MROH2B: variants seen among roughly 807,000 people sequenced by gnomAD.
The protein encoded by MROH2B is maestro heat-like repeat-containing protein family member 2B.
A neutral mutation model predicts 208.6 loss-of-function variants in MROH2B; 177 were observed. The observed-to-expected ratio is 0.85, with a 90% CI of 0.75 to 0.96. The LOEUF is 0.96. Ranked by LOEUF, MROH2B falls within the 40% of genes least tolerant of loss-of-function variation. The pLI is 0.00. For missense variants in MROH2B, 2,002 were observed against 1,878.7 expected, an observed-to-expected ratio of 1.07 and a Z score of -1.21; for synonymous variants, 728 against 659.0, an observed-to-expected ratio of 1.10 and a Z score of -1.60.
At chr5:41,004,585 G>A (rs1561273350) in intron 36 of MROH2B, 57 bp from the exon 37 acceptor site, 2 of 1,554,502 alleles carry the variant, frequency 1.3e-6, no homozygotes, top group Non-Finnish European at 1.7e-6. Context: ...ATCTGGAAGA[G>A]GGTAGGAGTC....
intron 29 of MROH2B, among the ~76,000 whole-genome samples, chr5:41,013,397 A>C (rs554493259): frequency 6.6e-6 from 1 of 152,276 alleles, no homozygotes; most frequent in South Asian, 2.1e-4. Flanking sequence ...GTGCGCATTA[A>C]TGAAAAAGGA....
At chr5:41,000,003 G>T in intron 39 of MROH2B, 1 of 697,926 alleles carries the variant, frequency 1.4e-6, no homozygotes, top group Non-Finnish European at 2.4e-6. Context: ...AGGAACCAAG[G>T]AGAATATATC....
chr5:41,060,013 A>G (rs1482081528), intron 6 of MROH2B, among the ~76,000 whole-genome samples: 1 of 152,208 alleles, frequency 6.6e-6, no homozygotes. Flanking sequence ...AAATGTCTAC[A>G]TCAAACCCAT....
At chr5:41,036,105 T>A (rs922878964) in intron 21 of MROH2B, among the ~76,000 whole-genome samples, 1 of 149,638 alleles carries the variant, frequency 6.7e-6, no homozygotes, top group African/African-American at 2.5e-5. Flanking sequence ...GGATAAACAA[T>A]GTGGGAGATA....
intron 2 of MROH2B, among the ~76,000 whole-genome samples, chr5:41,068,101 C>T (rs1318289883): frequency 6.6e-6 from 1 of 152,170 alleles, no homozygotes; most frequent in East Asian, 1.9e-4. Flanking sequence ...TATGTGTCCT[C>T]TGGATGATGA....
At chr5:41,066,795 T>C (rs961220385) in intron 3 of MROH2B, among the ~76,000 whole-genome samples, 1 of 152,090 alleles carries the variant, frequency 6.6e-6, no homozygotes, top group African/African-American at 2.4e-5. Flanking sequence ...GCCAAGAAAA[T>C]TGGTTTCTAG....
At position 41,065,237 on chromosome 5, in the gene MROH2B, G is replaced by A. The variant is rs1318310121; in HGVS notation, c.361+94C>T. 3 of 1,228,050 alleles carry A rather than the reference G, an allele frequency of 2.4e-6. No individual in the cohort carries two copies. In the East Asian group the frequency reaches 7.7e-5, roughly 31 times the overall value. 76.1% of individuals were successfully genotyped at this position (1,228,050 alleles called of 1,614,324 possible). ...ATTTCTTGGTACAGAAGAAGGCAGA[G>A]ATGCTATCTCTTCTACCGTTTGCTC... On this transcript the variant is annotated intron_variant, in intron 4 of 41. Transcript: ENST00000399564.
At chr5:41,034,276 G>C (rs1414884657) in intron 21 of MROH2B, among the ~76,000 whole-genome samples, 4 of 152,106 alleles carry the variant, frequency 2.6e-5, no homozygotes, top group Non-Finnish European at 5.9e-5. Context: ...AGTGAGTTCT[G>C]CTATAACATT....
At chr5:41,008,549 C>T (rs1741666454) in intron 33 of MROH2B, 57 bp downstream of exon 33, 6 of 1,587,760 alleles carry the variant, frequency 3.8e-6, no homozygotes, top group Non-Finnish European at 5.2e-6. Flanking sequence ...TGCAGCACCA[C>T]TCCTGGAGTC....
intron 28 of MROH2B, among the ~76,000 whole-genome samples, chr5:41,015,710 C>T (rs1441878685): frequency 2.6e-5 from 4 of 152,176 alleles, no homozygotes; most frequent in Admixed American, 6.5e-5. Context: ...CTCCTGTTCT[C>T]GTCTTGGTTT....
intron 4 of MROH2B, 116 bp from the exon 5 acceptor site, chr5:41,064,686 T>C: frequency 1.6e-6 from 1 of 641,918 alleles, no homozygotes; most frequent in Non-Finnish European, 2.7e-6. Flanking sequence ...AGATGAGGTG[T>C]AGTAGAAAGA....
chr5:41,068,832 T>A (rs1178087054), intron 2 of MROH2B, among the ~76,000 whole-genome samples: 1 of 152,180 alleles, frequency 6.6e-6, no homozygotes, highest in Non-Finnish European at 1.5e-5. Flanking sequence ...TACCTCCAGG[T>A]GCTTAAAATG....
chr5:41,003,731 C>G (rs1230553183), intron 37 of MROH2B, among the ~76,000 whole-genome samples: 1 of 152,124 alleles, frequency 6.6e-6, no homozygotes, highest in East Asian at 1.9e-4. Flanking sequence ...TTTTCCATCT[C>G]CTCTGACAAT....
At position 41,049,391 on chromosome 5, in the gene MROH2B, T is replaced by C. The variant is rs1743219336; in HGVS notation, c.1390A>G (p.Thr464Ala). The C allele has an allele frequency of 6.2e-7, 1 of 1,613,752 alleles. No homozygotes were observed. Among genetic ancestry groups the C allele is most frequent in the African/African-American group, 1.3e-5 (1 of 75,032 alleles). The change falls in exon 14 of 42, where the codon ACA becomes GCA. Residue 464 changes from threonine (T) to alanine (A), a missense_variant. Transcript: ENST00000399564. ...ILTFVVPAEY[T>A]EALEPLFSII... ...CTAAACAGGGGCTCCAGAGCTTCTGTGTATTCTGCAGGTACCACAAAAGTC... is the reference window on the plus strand; with the variant it reads ...CTAAACAGGGGCTCCAGAGCTTCTGCGTATTCTGCAGGTACCACAAAAGTC...
chr5:41,038,774 T>G lies in MROH2B; in HGVS notation c.2176A>C (p.Ile726Leu), dbSNP rs372870181. The change falls in exon 21 of 42, where the codon ATA (isoleucine) becomes CTA (leucine). Residue 726 changes from isoleucine (I) to leucine (L), a missense_variant. By Grantham distance (5) the Ile-to-Leu change is conservative. Coordinates refer to ENST00000399564, the MANE Select transcript of MROH2B (RefSeq NM_173489.5). ...QLLSRLNQDIISQVLSLHGQC... is the reference protein window; with the variant it reads ...QLLSRLNQDILSQVLSLHGQC... ...CCATGAAGAGACAGGACTTGGGATA[T>G]GATATCTTGATTAAGTCTGGAGAGA... 15 of 1,613,244 alleles carry G rather than the reference T, an allele frequency of 9.3e-6. No homozygotes were observed. The highest frequency in any genetic ancestry group is 1.3e-5 in the Non-Finnish European group (15 of 1,179,568).
chr5:41,004,292 C>G lies in MROH2B; in HGVS notation c.4194+54G>C. 1.9e-6 allele frequency: 3 copies of G among 1,576,500 alleles called. No homozygotes were observed. The South Asian group carries it at 3.5e-5, about 19-fold the overall frequency. On this transcript the variant is annotated intron_variant, in intron 37 of 41. Coordinates refer to ENST00000399564, the MANE Select transcript of MROH2B (RefSeq NM_173489.5). ...TGTCTTCTGTGAGCACTACCTAAAC[C>G]TGTTTCTGTTCACTCACTTCTGGGG...
At chr5:41,054,142 G>A (rs1743371621) in intron 11 of MROH2B, among the ~76,000 whole-genome samples, 1 of 152,038 alleles carries the variant, frequency 6.6e-6, no homozygotes, top group Non-Finnish European at 1.5e-5. Flanking sequence ...AGCACACTTG[G>A]CTAATTTTTG....
Position 41,005,562 on chromosome 5 carries a change from T to C in MROH2B, c.3833A>G (p.Tyr1278Cys), listed in dbSNP as rs1330380660. ...GAAGAAAGCTGCGCCGGTTATCCGG[T>C]AGTTCTCCGAGGAGGAGGTAAGAGA... is the stretch of plus-strand genomic sequence containing the variant. Reference protein sequence around the residue: ...LSSLTSSSENYRITGAAFFSE... With the variant: ...LSSLTSSSENCRITGAAFFSE... Residue 1278 changes from tyrosine (Y) to cysteine (C), a missense_variant, in exon 35 of 42, where the codon TAC becomes TGC. Transcript: ENST00000399564. The C allele has an allele frequency of 1.2e-6, 2 of 1,608,644 alleles. No individual in the cohort carries two copies. Among genetic ancestry groups the C allele is most frequent in the Admixed American group, 1.7e-5 (1 of 59,390 alleles).
At chr5:41,060,938 T>C (rs959654346) in intron 6 of MROH2B, among the ~76,000 whole-genome samples, 1 of 152,112 alleles carries the variant, frequency 6.6e-6, no homozygotes, top group Non-Finnish European at 1.5e-5. Flanking sequence ...AATAAAGCAA[T>C]GAAGAGACCT....
Sources: gnomAD v4.1 joint callset for allele counts (sites outside exome capture counted in the v4.1 genomes callset) on GRCh38, gnomAD v4.1.1 for gene constraint, MANE v1.5 for transcripts, NCBI Gene and HGNC (gene_info 2026-07-23, HGNC 2026-07-21) for gene names.